Variants in IRF2 observed in about 807,000 individuals in gnomAD.
The protein encoded by IRF2 is interferon regulatory factor 2.
Under a neutral mutation model 40.6 loss-of-function variants are expected in IRF2, and 15 were observed. The ratio of observed to expected loss-of-function variants is 0.37; its 90% CI spans 0.25 to 0.57. The LOEUF (loss-of-function observed/expected upper bound fraction) is 0.57. IRF2 is among the 20% of genes least tolerant of loss of function. IRF2 has a pLI of 0.77. For synonymous variants in IRF2, 151 were observed against 165.5 expected, an observed-to-expected ratio of 0.91 and a Z score of 0.67; for missense variants, 317 against 455.7, an observed-to-expected ratio of 0.70 and a Z score of 2.77.
Position 184,419,452 on chromosome 4 carries a change from G to A in IRF2, c.187+17C>T, listed in dbSNP as rs140738209. On this transcript the variant is annotated intron_variant, in intron 3 of 8. Coordinates refer to ENST00000393593, the MANE Select transcript of IRF2 (RefSeq NM_002199.4). ...AAGAGTGCCTTCCTCTATAAACGCC[G>A]CAGGGAGTTTTAGTACCTGTATGGA... 2.6e-4 allele frequency: 388 copies of A among 1,506,220 alleles called. No individual in the cohort carries two copies. In the East Asian group the frequency reaches 5.5e-3, roughly 21 times the overall value. The allele number at this position is 1,506,220 out of a possible 1,614,324, so 93.3% of individuals were successfully genotyped here. A position where few individuals can be genotyped will look rare whatever the true frequency, so the allele number is the denominator to read the frequency against.
chr4:184,403,268 G>GTT (rs1736732483), intron 6 of IRF2, among the ~76,000 whole-genome samples: 2 of 151,998 alleles, frequency 1.3e-5, no homozygotes, highest in Admixed American at 6.6e-5. Context: ...GTCTCTATCT[G>GTT]TTTCTCTCTC....
At chr4:184,423,786 A>G (rs1441081814) in intron 2 of IRF2, among the ~76,000 whole-genome samples, 1 of 152,166 alleles carries the variant, frequency 6.6e-6, no homozygotes, top group South Asian at 2.1e-4. Context: ...GGCGAGAAGG[A>G]AAAAAACAGA....
intron 2 of IRF2, among the ~76,000 whole-genome samples, chr4:184,428,481 G>A (rs1325633671): frequency 6.6e-6 from 1 of 152,230 alleles, no homozygotes; most frequent in Non-Finnish European, 1.5e-5. Context: ...ACTCCAGGCT[G>A]AGGCTACAGT....
chr4:184,411,476 C>G (rs1032980950), intron 5 of IRF2, among the ~76,000 whole-genome samples: 4 of 152,116 alleles, frequency 2.6e-5, no homozygotes, highest in African/African-American at 9.7e-5. Flanking sequence ...CTCCCCTCAC[C>G]CCACTTCAAA....
chr4:184,456,765 T>C (rs922715258), intron 1 of IRF2, among the ~76,000 whole-genome samples: 10 of 152,218 alleles, frequency 6.6e-5, no homozygotes, highest in African/African-American at 2.2e-4. Context: ...AGCCAACACG[T>C]ACTGAGGGTA....
rs199852546 is a variant in IRF2, at chr4:184,425,441, G to A, written c.87+3537C>T. On this transcript the variant is annotated intron_variant, in intron 2 of 8. Transcript: ENST00000393593. ...TGCCCATGTGCACGAGCAATGCCAC[G>A]TGCCCACTCTGGCTAGGCCTCAGCA... is the stretch of plus-strand genomic sequence containing the variant. Among the ~76,000 whole-genome samples the A allele has an allele frequency of 4.6e-5, 7 of 152,252 alleles. No homozygotes were observed. In the East Asian group the frequency reaches 1.2e-3, roughly 25 times the overall value.
intron 1 of IRF2, among the ~76,000 whole-genome samples, chr4:184,443,356 T>TG (rs1738384136): frequency 6.6e-6 from 1 of 152,198 alleles, no homozygotes; most frequent in Non-Finnish European, 1.5e-5. Flanking sequence ...TTTCAACCCT[T>TG]GCCCTACTTC....
intron 2 of IRF2, 79 bp downstream of exon 2, chr4:184,428,899 G>A (rs757108513): frequency 9.9e-6 from 11 of 1,116,350 alleles, no homozygotes; most frequent in Non-Finnish European, 1.5e-5. Flanking sequence ...GAATACACAC[G>A]ATTTTACTTT....
At position 184,409,389 on chromosome 4, in the gene IRF2, A is replaced by C. The variant is rs2553529; in HGVS notation, c.412-1114T>G. Reference sequence around the variant, plus strand: ...CTCCTCCTTCATAATCCCACCTGGCAAACTCCCACCTTAATAACATGACTT... The same window carrying C: ...CTCCTCCTTCATAATCCCACCTGGCCAACTCCCACCTTAATAACATGACTT... On this transcript the variant is annotated intron_variant, in intron 5 of 8. Coordinates refer to ENST00000393593, the MANE Select transcript of IRF2 (RefSeq NM_002199.4). Among the ~76,000 whole-genome samples the C allele has an allele frequency of 2.2e-3, 329 of 152,258 alleles. 2 individuals are homozygous for C. Among genetic ancestry groups the C allele is most frequent in the African/African-American group, 7.7e-3 (319 of 41,550 alleles).
intron 7 of IRF2, among the ~76,000 whole-genome samples, chr4:184,393,712 T>A (rs2149891076): frequency 6.8e-6 from 1 of 147,020 alleles, no homozygotes; most frequent in South Asian, 2.2e-4. Flanking sequence ...TTCCACAGCA[T>A]CTGAAGTCGT....
intron 2 of IRF2, 185 bp downstream of exon 2, chr4:184,428,793 T>C: frequency 1.6e-6 from 1 of 606,726 alleles, no homozygotes; most frequent in Non-Finnish European, 3.1e-6. Context: ...AGTGAGACCC[T>C]GTCTCTAAAA....
intron 1 of IRF2, among the ~76,000 whole-genome samples, chr4:184,438,244 A>G (rs1423301440): frequency 6.6e-6 from 1 of 152,234 alleles, no homozygotes; most frequent in African/African-American, 2.4e-5. Context: ...GGTAAAGCAA[A>G]CATTCAAATC....
At chr4:184,401,961 A>G (rs1736682795) in intron 6 of IRF2, among the ~76,000 whole-genome samples, 1 of 152,240 alleles carries the variant, frequency 6.6e-6, no homozygotes, top group Non-Finnish European at 1.5e-5. Flanking sequence ...TGTTCCAACC[A>G]GGAATTCTTT....
At chr4:184,426,575 C>T (rs1737681988) in intron 2 of IRF2, among the ~76,000 whole-genome samples, 1 of 152,176 alleles carries the variant, frequency 6.6e-6, no homozygotes, top group Non-Finnish European at 1.5e-5. Context: ...GTGACATCCA[C>T]AGGTTCTGGA....
chr4:184,445,887 C>T (rs1738489836), intron 1 of IRF2, among the ~76,000 whole-genome samples: 1 of 152,142 alleles, frequency 6.6e-6, no homozygotes, highest in Non-Finnish European at 1.5e-5. Context: ...CATATGGAGT[C>T]TGTGCAGATA....
chr4:184,435,793 A>C (rs1219998803), intron 1 of IRF2, among the ~76,000 whole-genome samples: 1 of 152,184 alleles, frequency 6.6e-6, no homozygotes, highest in Non-Finnish European at 1.5e-5. Context: ...TTTGTAAGTA[A>C]TACAACTAAG....
chr4:184,464,507 T>G (rs971830160), intron 1 of IRF2, among the ~76,000 whole-genome samples: 3 of 152,192 alleles, frequency 2.0e-5, no homozygotes, highest in African/African-American at 7.2e-5. Context: ...ATACAGGACA[T>G]GAAGACAGGG....
chr4:184,469,436 G>C (rs1179185723), intron 1 of IRF2, among the ~76,000 whole-genome samples: 1 of 152,230 alleles, frequency 6.6e-6, no homozygotes, highest in Admixed American at 6.5e-5. Context: ...CAGCACTTTG[G>C]GATGCTGAGG....
chr4:184,427,387 G>A (rs111743168), intron 2 of IRF2, among the ~76,000 whole-genome samples: 1,573 of 152,310 alleles, frequency 0.01, 20 homozygotes, highest in African/African-American at 0.035. Context: ...TGGGCACTGC[G>A]GCTCATGCCT....
Sources: allele counts gnomAD v4.1 joint callset (sites outside exome capture counted in the v4.1 genomes callset), GRCh38; gene constraint gnomAD v4.1.1; transcripts MANE v1.5; gene names NCBI Gene and HGNC (gene_info 2026-07-23, HGNC 2026-07-21).